SLC27A3: variants seen among roughly 807,000 people sequenced by gnomAD.
SLC27A3 encodes solute carrier family 27 member 3.
In SLC27A3, 60 loss-of-function variants were observed where a neutral mutation model predicts 60.1. The observed-to-expected ratio is 1.00, with a 90% CI of 0.81 to 1.24. The LOEUF is 1.24. Ranked by LOEUF, SLC27A3 falls within the 50% of genes most tolerant of loss-of-function variation. The pLI, the probability that SLC27A3 is intolerant of heterozygous loss-of-function variation, is 0.00. For synonymous variants in SLC27A3, 455 were observed against 409.0 expected, an observed-to-expected ratio of 1.11 and a Z score of -1.36; for missense variants, 1,079 against 929.9, an observed-to-expected ratio of 1.16 and a Z score of -2.09.
In SLC27A3 at chr1:153,780,107, C is replaced by T. The variant is rs1673465694; in HGVS notation, c.*105C>T. Reference sequence around the variant, plus strand: ...CTTTTCTATACCAGAACTGCGGTCACTATTTTGTAATAAATGTGGCTGGAG... The same window carrying T: ...CTTTTCTATACCAGAACTGCGGTCATTATTTTGTAATAAATGTGGCTGGAG... On this transcript the variant is annotated 3_prime_UTR_variant, in exon 10 of 10. Transcript: ENST00000624995. The T allele has an allele frequency of 5.9e-6, 6 of 1,009,116 alleles. No homozygotes were observed. In the South Asian group the frequency reaches 8.1e-5, roughly 14 times the overall value. 62.5% of individuals were successfully genotyped at this position (1,009,116 alleles called of 1,614,324 possible).
rs771169830 is a variant in SLC27A3, at chr1:153,777,849, T to C, written c.1125T>C (p.Ile375=). The change falls in exon 4 of 10, where the codon ATT becomes ATC. Residue 375 remains isoleucine, a synonymous_variant. Coordinates refer to ENST00000624995, the MANE Select transcript of SLC27A3 (RefSeq NM_024330.4). ...ACAGGGTGACGGTGTTCCAGTACAT[T>C]GGGGAGCTGTGCCGATACCTTGTCA... ...QQHRVTVFQY[I]GELCRYLVNQ... is the part of the protein sequence containing the mutation. The C allele has an allele frequency of 1.2e-5, 20 of 1,614,040 alleles. No homozygotes were observed. The highest frequency in any genetic ancestry group is 2.2e-5 in the East Asian group (1 of 44,882).
At chr1:153,779,692 G>A (rs1253106427) in intron 9 of SLC27A3, 134 bp from the exon 10 acceptor site, 2 of 954,350 alleles carry the variant, frequency 2.1e-6, no homozygotes, top group Non-Finnish European at 3.1e-6. Context: ...TCTCCTCCCT[G>A]TCACCTCCTC....
In SLC27A3 at chr1:153,778,695, G is replaced by C. The variant is rs1673368425; in HGVS notation, c.1456G>C (p.Gly486Arg). 3.1e-6 allele frequency: 5 copies of C among 1,612,884 alleles called. No individual in the cohort carries two copies. Among genetic ancestry groups the C allele is most frequent in the Non-Finnish European group, 4.2e-6 (5 of 1,179,948 alleles). The change falls in exon 7 of 10, where the codon GGG becomes CGG. Residue 486 changes from glycine (G) to arginine (R), a missense_variant. Physicochemically the swap from Gly to Arg is moderately radical, Grantham distance 125 (BLOSUM62 -2). Coordinates refer to ENST00000624995, the MANE Select transcript of SLC27A3 (RefSeq NM_024330.4). The part of the protein sequence containing the change: ...HCMATSPGEP[G>R]LLVAPVSQQS... ...CCTGGTGACTCTGCCAGGTGAGCCA[G>C]GGCTGCTGGTGGCCCCGGTAAGCCA...
At position 153,775,547 on chromosome 1, in the gene SLC27A3, T is replaced by C; in HGVS notation, c.50T>C (p.Leu17Pro). The C allele has an allele frequency of 6.2e-7, 1 of 1,612,356 alleles. No homozygotes were observed. The highest frequency in any genetic ancestry group is 1.1e-5 in the South Asian group (1 of 91,084). ...CTGCTGCTGTTGCTACCGCTGCTGCTGCTGAAGCTACACCTCTGGCCGCAG... is the reference window on the plus strand; with the variant it reads ...CTGCTGCTGTTGCTACCGCTGCTGCCGCTGAAGCTACACCTCTGGCCGCAG... ...LPLLLLLPLL[L>P]LKLHLWPQLR... Residue 17 changes from leucine (L) to proline (P), a missense_variant, in exon 1 of 10, where the codon CTG becomes CCG. Leu to Pro is a moderately conservative substitution (Grantham distance 98). Transcript: ENST00000624995.
rs139214207 is a variant in SLC27A3 at position 153,776,327 on chromosome 1, G to T, written c.667+163G>T. The T allele has an allele frequency of 2.1e-3, 2,978 of 1,393,706 alleles. 82 individuals are homozygous for T. In the East Asian group the frequency reaches 0.045, roughly 21 times the overall value. 86.3% of individuals were successfully genotyped at this position (1,393,706 alleles called of 1,614,324 possible). On this transcript the variant is annotated intron_variant, in intron 1 of 9. Transcript: ENST00000624995. The stretch of plus-strand genomic sequence containing the variant: ...ATAGGAGTCTCCGGGTTTGAGAAGG[G>T]ATGAGGCTGAATCTTTGGTGCCCCA...
Position 153,776,540 on chromosome 1 carries a change from G to T in SLC27A3, c.690G>T (p.Pro230=), listed in dbSNP as rs773114960. Residue 230 remains proline, a synonymous_variant, in exon 2 of 10, where the codon CCG becomes CCT. Transcript: ENST00000624995. ...TAGAGTTTCTGGAGTCCCTGGAGCCGGACCTGCCCGCCCTGAGAGCCATGG... is the reference window on the plus strand; with the variant it reads ...TAGAGTTTCTGGAGTCCCTGGAGCCTGACCTGCCCGCCCTGAGAGCCATGG... ...LAPEFLESLE[P]DLPALRAMGL... 1.2e-6 allele frequency: 2 copies of T among 1,613,940 alleles called. No homozygotes were observed. Among genetic ancestry groups the T allele is most frequent in the Non-Finnish European group, 1.7e-6 (2 of 1,180,026 alleles).
chr1:153,778,031 C>T, intron 4 of SLC27A3, 130 bp from the exon 5 acceptor site: 1 of 1,464,816 alleles, frequency 6.8e-7, no homozygotes, highest in Non-Finnish European at 9.2e-7. Context: ...ATGGCCTAGG[C>T]CATCTGATGC....
chr1:153,776,020 C>T lies in SLC27A3; in HGVS notation c.523C>T (p.Pro175Ser). 8 of 1,452,178 alleles carry T rather than the reference C, an allele frequency of 5.5e-6. No homozygotes were observed. Among genetic ancestry groups the T allele is most frequent in the South Asian group, 1.5e-5 (1 of 68,934 alleles). 90.0% of individuals were successfully genotyped at this position (1,452,178 alleles called of 1,614,324 possible). The change falls in exon 1 of 10, where the codon CCC (proline) becomes TCC (serine). Residue 175 changes from proline (P) to serine (S), a missense_variant. Pro to Ser is a moderately conservative substitution (Grantham distance 74). Transcript: ENST00000624995. ...SPGATVALLL[P>S]AGPEFLWLWF... ...TGGAGCAACTGTGGCGCTGCTCCTCCCCGCTGGCCCAGAGTTTCTGTGGCT... is the reference window on the plus strand; with the variant it reads ...TGGAGCAACTGTGGCGCTGCTCCTCTCCGCTGGCCCAGAGTTTCTGTGGCT...
At chr1:153,776,491 C>G (rs752234528) in intron 1 of SLC27A3, 27 bp from the exon 2 acceptor site, 89 of 1,596,968 alleles carry the variant, frequency 5.6e-5, no homozygotes, top group Non-Finnish European at 7.5e-5. Context: ...GCCAGGGCCC[C>G]GGCGTTGTGC....
chr1:153,777,674 A>G (rs1673298411), intron 3 of SLC27A3, 87 bp from the exon 4 acceptor site: 3 of 1,516,108 alleles, frequency 2.0e-6, no homozygotes, highest in South Asian at 1.1e-5. Context: ...GACTACAGTG[A>G]TGGCTGGGGT....
At position 153,776,009 on chromosome 1, in the gene SLC27A3, C is replaced by A; in HGVS notation, c.512C>A (p.Ala171Glu). ...AAPLSPGATVALLLPAGPEFL... is the reference protein window; with the variant it reads ...AAPLSPGATVELLLPAGPEFL... ...CCTCTGTCACCTGGAGCAACTGTGGCGCTGCTCCTCCCCGCTGGCCCAGAG... is the reference window on the plus strand; with the variant it reads ...CCTCTGTCACCTGGAGCAACTGTGGAGCTGCTCCTCCCCGCTGGCCCAGAG... The change falls in exon 1 of 10, where the codon GCG (alanine) becomes GAG (glutamate). Residue 171 changes from alanine (A) to glutamate (E), a missense_variant. By Grantham distance (107) the Ala-to-Glu change is moderately radical. Transcript: ENST00000624995. 6.9e-7 allele frequency: 1 copy of A among 1,450,962 alleles called. No homozygotes were observed. The highest frequency in any genetic ancestry group is 2.7e-5 in the Admixed American group (1 of 36,732). 89.9% of individuals were successfully genotyped at this position (1,450,962 alleles called of 1,614,324 possible).
At position 153,778,703 on chromosome 1, in the gene SLC27A3, G is replaced by A. The variant is rs1318263207; in HGVS notation, c.1464G>A (p.Leu488=). 6.2e-7 allele frequency: 1 copy of A among 1,612,936 alleles called. No individual in the cohort carries two copies. The highest frequency in any genetic ancestry group is 1.7e-5 in the Admixed American group (1 of 60,018). ...CTCTGCCAGGTGAGCCAGGGCTGCT[G>A]GTGGCCCCGGTAAGCCAGCAGTCCC... ...MATSPGEPGL[L]VAPVSQQSPF... The change falls in exon 7 of 10, where the codon CTG becomes CTA. Residue 488 remains leucine, a synonymous_variant. Transcript: ENST00000624995.
At position 153,776,002 on chromosome 1, in the gene SLC27A3, A is replaced by G. The variant is rs1673194367; in HGVS notation, c.505A>G (p.Thr169Ala). Residue 169 changes from threonine (T) to alanine (A), a missense_variant, in exon 1 of 10, where the codon ACT (threonine) becomes GCT (alanine). Physicochemically the swap from Thr to Ala is moderately conservative, Grantham distance 58 (BLOSUM62 0). Transcript: ENST00000624995. ...CGCCGCCCCTCTGTCACCTGGAGCA[A>G]CTGTGGCGCTGCTCCTCCCCGCTGG... ...GAAAPLSPGA[T>A]VALLLPAGPE... 1 of 1,450,552 alleles carries G rather than the reference A, an allele frequency of 6.9e-7. No homozygotes were observed. Among genetic ancestry groups the G allele is most frequent in the East Asian group, 2.7e-5 (1 of 37,432 alleles). 89.9% of individuals were successfully genotyped at this position (1,450,552 alleles called of 1,614,324 possible).
intron 3 of SLC27A3, 22 bp from the exon 4 acceptor site, chr1:153,777,738 TC>T (rs3841381): frequency 0.38 from 608,531 of 1,611,422 alleles, 116,802 homozygotes; most frequent in East Asian, 0.48. Flanking sequence ...CCTCCCTTCT[TC>T]CCCCCTGCCC....
chr1:153,779,501 C>T, intron 9 of SLC27A3, 28 bp downstream of exon 9: 1 of 1,605,276 alleles, frequency 6.2e-7, no homozygotes, highest in Non-Finnish European at 8.5e-7. Context: ...CCGCCGGCCC[C>T]TCACCCCATA....
At position 153,775,478 on chromosome 1, in the gene SLC27A3, C is replaced by G. The variant is rs777291258; in HGVS notation, c.-20C>G. 10 of 1,613,058 alleles carry G rather than the reference C, an allele frequency of 6.2e-6. No individual in the cohort carries two copies. In the Admixed American group the frequency reaches 1.5e-4, roughly 24 times the overall value. On this transcript the variant is annotated 5_prime_UTR_variant, in exon 1 of 10. Coordinates refer to ENST00000624995, the MANE Select transcript of SLC27A3 (RefSeq NM_024330.4). ...GCGAGCGGCTGGAACCAGACGGTGC[C>G]GATAGAGGAAGCGGGCTCCATGGCT...
At position 153,775,597 on chromosome 1, in the gene SLC27A3, G is replaced by C; in HGVS notation, c.100G>C (p.Ala34Pro). The change falls in exon 1 of 10, where the codon GCC becomes CCC. Residue 34 changes from alanine to proline, a missense_variant. By Grantham distance (27) the Ala-to-Pro change is conservative (BLOSUM62 -1). Transcript: ENST00000624995. Reference sequence around the variant, plus strand: ...GTTGCGCTGGCTTCCGGCGGACTTGGCCTTTGCGGTGCGAGCTCTGTGCTG... The same window carrying C: ...GTTGCGCTGGCTTCCGGCGGACTTGCCCTTTGCGGTGCGAGCTCTGTGCTG... ...PQLRWLPADL[A>P]FAVRALCCKR... 1 of 1,600,396 alleles carries C rather than the reference G, an allele frequency of 6.2e-7. No homozygotes were observed. The highest frequency in any genetic ancestry group is 1.1e-5 in the South Asian group (1 of 90,434).
In SLC27A3 at chr1:153,780,152, C is replaced by T; in HGVS notation, c.*150C>T. ...CTGGAGCTGATCCAGCTGTCTCTGA[C>T]CTACAGTATCTGTCATTATCTCTCT... On this transcript the variant is annotated 3_prime_UTR_variant, in exon 10 of 10. Coordinates refer to ENST00000624995, the MANE Select transcript of SLC27A3 (RefSeq NM_024330.4). The T allele has an allele frequency of 1.5e-6, 1 of 685,398 alleles. No homozygotes were observed. The highest frequency in any genetic ancestry group is 2.4e-6 in the Non-Finnish European group (1 of 415,832). 42.5% of individuals were successfully genotyped at this position (685,398 alleles called of 1,614,324 possible).
Position 153,779,446 on chromosome 1 carries a change from TGCCCG to T in SLC27A3, c.1853_1857del (p.Arg618ProfsTer25). 6.2e-7 allele frequency: 1 copy of T among 1,613,812 alleles called. No homozygotes were observed. ...ACGTGTCTGAGAACTTGCCACCTTA[TGCCCG>T]GCCCCGATTCCTCAGGCTCCAGGTA... is the stretch of plus-strand genomic sequence containing the variant. On this transcript the variant is annotated frameshift_variant, in exon 9 of 10. Transcript: ENST00000624995. LOFTEE classifies it low-confidence loss of function (END_TRUNC).
Sources: allele counts gnomAD v4.1 joint callset, GRCh38; gene constraint gnomAD v4.1.1; transcripts MANE v1.5; gene names NCBI Gene and HGNC (gene_info 2026-07-23, HGNC 2026-07-21).